ADGRB3: variants seen among roughly 807,000 people sequenced by gnomAD.
ADGRB3 encodes brain-specific angiogenesis inhibitor 3.
In ADGRB3, 37 loss-of-function variants were observed where a neutral mutation model predicts 193.4. The ratio of observed to expected loss-of-function variants is 0.19; its 90% CI spans 0.15 to 0.25. The LOEUF (loss-of-function observed/expected upper bound fraction) is 0.25. Among genes scored for constraint, ADGRB3 ranks in the 10% least tolerant of loss-of-function variants. The pLI, the probability that ADGRB3 is intolerant of heterozygous loss-of-function variation, is 1.00. For synonymous variants in ADGRB3, 690 were observed against 644.2 expected, an observed-to-expected ratio of 1.07 and a Z score of -1.08; for missense variants, 1,637 against 1,852.9, an observed-to-expected ratio of 0.88 and a Z score of 2.14.
chr6:69,117,912 A>C lies in ADGRB3; in HGVS notation c.2480+41874A>C, dbSNP rs537549255. 2.6e-5 allele frequency among the ~76,000 whole-genome samples: 4 copies of C among 152,298 alleles called. No individual in the cohort carries two copies. In the East Asian group the frequency reaches 7.7e-4, roughly 29 times the overall value. On this transcript the variant is annotated intron_variant, in intron 17 of 31. Coordinates refer to ENST00000370598, the MANE Select transcript of ADGRB3 (RefSeq NM_001704.3). ...TTATTTCTGGAATGACTATATTAAA[A>C]CGTGAAGATAGTAGCACTGTCTGAT...
At position 68,847,967 on chromosome 6, in the gene ADGRB3, T is replaced by C. The variant is rs556398623; in HGVS notation, c.758-82592T>C. Among the ~76,000 whole-genome samples, 62 of 151,226 alleles carry C rather than the reference T, an allele frequency of 4.1e-4. 1 individual carries two copies. The South Asian group carries it at 8.8e-3, about 21-fold the overall frequency. On this transcript the variant is annotated intron_variant, in intron 3 of 31. Coordinates refer to ENST00000370598, the MANE Select transcript of ADGRB3 (RefSeq NM_001704.3). ...GTGATATCAACTAAGTACAAATTTA[T>C]GAACCTGAGTCATACAACTGAGAAA...
chr6:68,824,515 CATATA>C lies in ADGRB3; in HGVS notation c.758-106038_758-106034del, dbSNP rs1243164883. Among the ~76,000 whole-genome samples the C allele has an allele frequency of 4.0e-5, 6 of 148,176 alleles. 1 individual carries two copies. Among genetic ancestry groups the C allele is most frequent in the African/African-American group, 4.9e-5 (2 of 40,646 alleles). On this transcript the variant is annotated intron_variant, in intron 3 of 31. Transcript: ENST00000370598. The stretch of plus-strand genomic sequence containing the variant: ...ATCGGATATTTATATATTTCCTATA[CATATA>C]ATATATATTATACATATTTCATGAT...
intron 20 of ADGRB3, among the ~76,000 whole-genome samples, chr6:69,257,611 A>T (rs1056464661): frequency 1.4e-4 from 21 of 152,218 alleles, no homozygotes; most frequent in African/African-American, 5.1e-4. Flanking sequence ...GAAAGTGATG[A>T]TAAACTCAAC....
At chr6:69,137,105 G>C (rs1774175170) in intron 17 of ADGRB3, among the ~76,000 whole-genome samples, 1 of 119,258 alleles carries the variant, frequency 8.4e-6, no homozygotes, top group Non-Finnish European at 1.7e-5. Flanking sequence ...AGCCTCAAAT[G>C]TGAAATTAAA....
At chr6:69,170,348 C>A (rs1775239687) in intron 17 of ADGRB3, among the ~76,000 whole-genome samples, 3 of 152,134 alleles carry the variant, frequency 2.0e-5, no homozygotes, top group African/African-American at 4.8e-5. Flanking sequence ...AGGAAGTATT[C>A]TTTTTCTTTA....
At chr6:69,154,742 ACAATGCCTAC>A (rs754309371) in intron 17 of ADGRB3, among the ~76,000 whole-genome samples, 65 of 152,210 alleles carry the variant, frequency 4.3e-4, no homozygotes, top group Non-Finnish European at 7.8e-4. Context: ...CAGTCTTCAC[ACAATGCCTAC>A]CCCATAGTAG....
At chr6:68,933,350 G>T (rs1767396686) in intron 4 of ADGRB3, among the ~76,000 whole-genome samples, 2 of 152,148 alleles carry the variant, frequency 1.3e-5, no homozygotes. Context: ...CTAGCACTTT[G>T]TCATTTACAA....
chr6:69,066,146 C>T (rs79811527), intron 16 of ADGRB3, among the ~76,000 whole-genome samples: 11,623 of 151,440 alleles, frequency 0.077, 571 homozygotes, highest in African/African-American at 0.13. Context: ...CATCCCCCCA[C>T]CTCCAACCTT....
chr6:68,918,187 A>G (rs1766935018), intron 3 of ADGRB3, among the ~76,000 whole-genome samples: 1 of 152,186 alleles, frequency 6.6e-6, no homozygotes, highest in Non-Finnish European at 1.5e-5. Context: ...GTTCATTATA[A>G]TTGGATAATT....
intron 3 of ADGRB3, among the ~76,000 whole-genome samples, chr6:68,671,874 A>C (rs1700554582): frequency 6.6e-6 from 1 of 152,072 alleles, no homozygotes; most frequent in South Asian, 2.1e-4. Context: ...GGTAGAATTC[A>C]GAAGTAAAGC....
intron 3 of ADGRB3, among the ~76,000 whole-genome samples, chr6:68,889,417 T>C (rs945890868): frequency 6.6e-6 from 1 of 152,186 alleles, no homozygotes; most frequent in Admixed American, 6.5e-5. Context: ...CCTAATGAAA[T>C]TGGTAATATG....
rs777815254 is a variant in ADGRB3, at chr6:69,014,115, A to G, written c.1998+9A>G. 6.3e-7 allele frequency: 1 copy of G among 1,585,516 alleles called. No individual in the cohort carries two copies. Among genetic ancestry groups the G allele is most frequent in the Middle Eastern group, 1.7e-4 (1 of 5,942 alleles). On this transcript the variant is annotated intron_variant, in intron 12 of 31. Coordinates refer to ENST00000370598, the MANE Select transcript of ADGRB3 (RefSeq NM_001704.3). The stretch of plus-strand genomic sequence containing the variant: ...GGGAAGATGCACAACAGGTAAGGTT[A>G]GGGTTATTTCAGAACTTGAAGTTGG...
intron 20 of ADGRB3, among the ~76,000 whole-genome samples, chr6:69,322,597 C>T (rs1012868049): frequency 1.3e-5 from 2 of 151,900 alleles, no homozygotes; most frequent in Non-Finnish European, 2.9e-5. Flanking sequence ...CTGCATTTCT[C>T]TTAATGGTCA....
chr6:69,200,214 G>A (rs1413080360), intron 17 of ADGRB3, among the ~76,000 whole-genome samples: 1 of 151,646 alleles, frequency 6.6e-6, no homozygotes, highest in Non-Finnish European at 1.5e-5. Flanking sequence ...TCAAGAAAAT[G>A]AGAGAGAAAA....
chr6:69,377,431 G>T (rs752833889), intron 30 of ADGRB3, among the ~76,000 whole-genome samples: 17 of 151,878 alleles, frequency 1.1e-4, no homozygotes, highest in Non-Finnish European at 5.9e-5. Context: ...TTTCCCCAAA[G>T]CAAGCCAAAA....
At chr6:68,847,429 G>T (rs992991297) in intron 3 of ADGRB3, among the ~76,000 whole-genome samples, 1 of 152,172 alleles carries the variant, frequency 6.6e-6, no homozygotes, top group Non-Finnish European at 1.5e-5. Flanking sequence ...ATCTTGAATT[G>T]TATCTCCCAG....
intron 3 of ADGRB3, among the ~76,000 whole-genome samples, chr6:68,653,944 T>C (rs1311239240): frequency 1.3e-5 from 2 of 151,714 alleles, no homozygotes; most frequent in East Asian, 1.9e-4. Context: ...ATTTTACTCC[T>C]TTTTTTTGAT....
chr6:69,383,632 C>G (rs933027779), intron 31 of ADGRB3, among the ~76,000 whole-genome samples: 2 of 152,016 alleles, frequency 1.3e-5, no homozygotes, highest in African/African-American at 4.8e-5. Flanking sequence ...ACTATCTGAT[C>G]TTAAGCAAGT....
chr6:69,031,053 T>TTTTTTTTTC (rs1562128902), intron 13 of ADGRB3, among the ~76,000 whole-genome samples: 288 of 21,156 alleles, frequency 0.014, 46 homozygotes, highest in Non-Finnish European at 0.028. Flanking sequence ...TCTCTTCTCT[T>TTTTTTTTTC]CTCTTCTCTT....
Sources: gnomAD v4.1 joint callset for allele counts (sites outside exome capture counted in the v4.1 genomes callset) on GRCh38, gnomAD v4.1.1 for gene constraint, MANE v1.5 for transcripts, NCBI Gene and HGNC (gene_info 2026-07-23, HGNC 2026-07-21) for gene names.